CNTN1: variants seen among roughly 807,000 people sequenced by gnomAD.
CNTN1 encodes contactin 1.
In CNTN1, 38 loss-of-function variants were observed where a neutral mutation model predicts 126.4. The observed-to-expected ratio is 0.30, with a 90% CI of 0.23 to 0.39. The LOEUF (loss-of-function observed/expected upper bound fraction) is 0.39, where lower values mean the gene tolerates loss of function less well. Among genes scored for constraint, CNTN1 ranks in the 10% least tolerant of loss-of-function variants. CNTN1 has a pLI of 1.00. For missense variants in CNTN1, 1,009 were observed against 1,248.4 expected, an observed-to-expected ratio of 0.81 and a Z score of 2.89; for synonymous variants, 413 against 422.6, an observed-to-expected ratio of 0.98 and a Z score of 0.28.
At chr12:40,784,363 G>T (rs1272102549) in intron 1 of CNTN1, among the ~76,000 whole-genome samples, 7 of 151,990 alleles carry the variant, frequency 4.6e-5, no homozygotes. Context: ...AAAAGCTTTG[G>T]TAATTGTTTT....
intron 23 of CNTN1, among the ~76,000 whole-genome samples, chr12:41,043,043 A>C (rs1949453810): frequency 6.6e-6 from 1 of 152,208 alleles, no homozygotes; most frequent in South Asian, 2.1e-4. Context: ...AAACCATAAA[A>C]ACCCTAGAAG....
At chr12:40,982,662 G>T (rs940101749) in intron 16 of CNTN1, among the ~76,000 whole-genome samples, 4 of 152,076 alleles carry the variant, frequency 2.6e-5, no homozygotes, top group African/African-American at 4.8e-5. Flanking sequence ...ACCTATTCTA[G>T]ATGCAGTATG....
intron 3 of CNTN1, among the ~76,000 whole-genome samples, chr12:40,910,642 C>T (rs1944992184): frequency 6.6e-6 from 1 of 152,118 alleles, no homozygotes; most frequent in African/African-American, 2.4e-5. Flanking sequence ...TAGAGTAAGA[C>T]CAGCCTGAAT....
chr12:40,780,851 G>A (rs1939768356), intron 1 of CNTN1, among the ~76,000 whole-genome samples: 1 of 150,852 alleles, frequency 6.6e-6, no homozygotes, highest in African/African-American at 2.4e-5. Flanking sequence ...TGTGGCTCCT[G>A]GAATGATGCT....
chr12:40,753,939 ATTG>A (rs1450320584), intron 1 of CNTN1, among the ~76,000 whole-genome samples: 3 of 151,964 alleles, frequency 2.0e-5, no homozygotes, highest in Admixed American at 2.0e-4. Context: ...TTCATCTCCT[ATTG>A]TTGGAAATTT....
chr12:40,726,587 C>G (rs2121242128), intron 1 of CNTN1, among the ~76,000 whole-genome samples: 1 of 152,308 alleles, frequency 6.6e-6, no homozygotes, highest in African/African-American at 2.4e-5. Context: ...CCGATTACCT[C>G]CACCTGTTCC....
intron 1 of CNTN1, among the ~76,000 whole-genome samples, chr12:40,793,322 T>C (rs575697738): frequency 3.1e-4 from 47 of 152,112 alleles, no homozygotes; most frequent in Non-Finnish European, 4.6e-4. Context: ...ATAGTTCCGG[T>C]GTCCATATGC....
At chr12:41,044,862 A>C (rs1949507136) in intron 23 of CNTN1, among the ~76,000 whole-genome samples, 1 of 152,066 alleles carries the variant, frequency 6.6e-6, no homozygotes. Context: ...GTATTAGCAA[A>C]ATTTTAATTT....
At chr12:40,707,550 T>C (rs1254733049) in intron 1 of CNTN1, among the ~76,000 whole-genome samples, 1 of 152,170 alleles carries the variant, frequency 6.6e-6, no homozygotes, top group Non-Finnish European at 1.5e-5. Flanking sequence ...TCATTTCTAT[T>C]ATCTTTCTTC....
At chr12:40,840,713 G>GCTC (rs1942243034) in intron 1 of CNTN1, among the ~76,000 whole-genome samples, 1 of 151,576 alleles carries the variant, frequency 6.6e-6, no homozygotes. Context: ...TAAACAACAA[G>GCTC]CTCCTGCATT....
chr12:40,916,037 G>T (rs199836850), intron 3 of CNTN1, among the ~76,000 whole-genome samples: 2 of 151,968 alleles, frequency 1.3e-5, no homozygotes, highest in African/African-American at 4.8e-5. Flanking sequence ...TAGGCTTGTC[G>T]CATAAATATC....
intron 14 of CNTN1, among the ~76,000 whole-genome samples, chr12:40,952,807 C>T (rs1476291536): frequency 1.3e-5 from 2 of 151,916 alleles, no homozygotes; most frequent in Non-Finnish European, 2.9e-5. Context: ...CTCTAACAAG[C>T]CAAAAGTAAA....
At chr12:40,923,882 G>C (rs1335147745) in intron 5 of CNTN1, among the ~76,000 whole-genome samples, 3 of 152,184 alleles carry the variant, frequency 2.0e-5, no homozygotes, top group East Asian at 3.9e-4. Flanking sequence ...GTTATAATTT[G>C]GGTGCCGATC....
chr12:40,693,237 G>A (rs1318386612), intron 1 of CNTN1, among the ~76,000 whole-genome samples: 1 of 152,228 alleles, frequency 6.6e-6, no homozygotes, highest in Non-Finnish European at 1.5e-5. Flanking sequence ...CACGATCTGC[G>A]GCAGGTGGGA....
At chr12:40,928,750 T>C (rs1945781095) in intron 6 of CNTN1, among the ~76,000 whole-genome samples, 1 of 152,142 alleles carries the variant, frequency 6.6e-6, no homozygotes, top group African/African-American at 2.4e-5. Context: ...TTATATAATG[T>C]GCATCTCTTT....
rs373166240 is a variant in CNTN1, at chr12:40,703,510, A to C, written c.-77+10918A>C. Among the ~76,000 whole-genome samples, 31 of 152,298 alleles carry C rather than the reference A, an allele frequency of 2.0e-4. No homozygotes were observed. In the East Asian group the frequency reaches 4.8e-3, roughly 24 times the overall value. ...TACTTTGTGTGCCTTCATTTTCCGAAGTCATGAAAATAGATATGGAAGTTA... is the reference window on the plus strand; with the variant it reads ...TACTTTGTGTGCCTTCATTTTCCGACGTCATGAAAATAGATATGGAAGTTA... On this transcript the variant is annotated intron_variant, in intron 1 of 23. Transcript: ENST00000551295.
chr12:40,890,335 G>T (rs937184717), intron 1 of CNTN1, among the ~76,000 whole-genome samples: 6 of 152,038 alleles, frequency 3.9e-5, no homozygotes, highest in African/African-American at 1.2e-4. Flanking sequence ...CGATGAACCC[G>T]CACTGATACA....
intron 23 of CNTN1, among the ~76,000 whole-genome samples, chr12:41,054,074 T>A (rs371815582): frequency 1.3e-5 from 2 of 151,974 alleles, no homozygotes; most frequent in East Asian, 1.9e-4. Context: ...GAAAGAGAAG[T>A]TATATTATTC....
At chr12:41,069,857 T>A in intron 23 of CNTN1, 102 bp from the exon 24 acceptor site, 1 of 899,306 alleles carries the variant, frequency 1.1e-6, no homozygotes, top group South Asian at 1.3e-5. Context: ...GACCCATTTG[T>A]TTTCCAGGGC....
Sources: allele counts gnomAD v4.1 joint callset (sites outside exome capture counted in the v4.1 genomes callset), GRCh38; gene constraint gnomAD v4.1.1; transcripts MANE v1.5; gene names NCBI Gene and HGNC (gene_info 2026-07-23, HGNC 2026-07-21).